Variants in MANBA observed in about 807,000 individuals in gnomAD.
MANBA encodes beta-mannosidase.
A neutral mutation model predicts 111.1 loss-of-function variants in MANBA; 83 were observed. The observed-to-expected ratio is 0.75, with a 90% confidence interval of 0.63 to 0.90. MANBA has a LOEUF of 0.90. Among genes scored for constraint, MANBA ranks in the 40% least tolerant of loss-of-function variants. The probability of loss-of-function intolerance (pLI) is 0.00; values close to 1 mark genes in which losing one functional copy is unlikely to be tolerated. For missense variants in MANBA, 1,036 were observed against 1,069.0 expected, an observed-to-expected ratio of 0.97 and a Z score of 0.43; for synonymous variants, 370 against 378.7, an observed-to-expected ratio of 0.98 and a Z score of 0.27.
chr4:102,696,060 T>A (rs771577623), intron 5 of MANBA, among the ~76,000 whole-genome samples: 2 of 152,074 alleles, frequency 1.3e-5, no homozygotes, highest in African/African-American at 2.4e-5. Flanking sequence ...AGACCCCATC[T>A]CTAAAAATAA....
chr4:102,726,799 C>T, intron 1 of MANBA, 116 bp from the exon 2 acceptor site: 4 of 676,334 alleles, frequency 5.9e-6, no homozygotes, highest in Non-Finnish European at 1.1e-5. Flanking sequence ...AATTAACGAA[C>T]TTTTAGCCTA....
intron 4 of MANBA, among the ~76,000 whole-genome samples, chr4:102,719,527 T>A (rs1197968005): frequency 6.6e-6 from 1 of 152,200 alleles, no homozygotes; most frequent in African/African-American, 2.4e-5. Context: ...TTTATGAAGA[T>A]AACAGGATTA....
At chr4:102,693,407 A>C (rs1732571093) in intron 5 of MANBA, among the ~76,000 whole-genome samples, 1 of 152,180 alleles carries the variant, frequency 6.6e-6, no homozygotes, top group South Asian at 2.1e-4. Context: ...TGGGGCAGTA[A>C]TCTGTTAGGA....
rs1724204254 is a variant in MANBA at position 102,760,621 on chromosome 4, T to C, written c.177+97A>G. 3 of 1,290,570 alleles carry C rather than the reference T, an allele frequency of 2.3e-6. No individual in the cohort carries two copies. In the African/African-American group the frequency reaches 4.5e-5, roughly 19 times the overall value. 79.9% of individuals were successfully genotyped at this position (1,290,570 alleles called of 1,614,324 possible). On this transcript the variant is annotated intron_variant, in intron 1 of 16. Transcript: ENST00000647097. ...GAAGTTACTACCAAACCGACGAGAA[T>C]GGCCCAGAGCTGGGGGCTGCCAGGC...
intron 11 of MANBA, among the ~76,000 whole-genome samples, chr4:102,658,451 A>G (rs116119834): frequency 1.4e-4 from 22 of 152,352 alleles, no homozygotes; most frequent in African/African-American, 4.8e-4. Context: ...ACTGAGTCAG[A>G]TGGACCCAAA....
intron 5 of MANBA, among the ~76,000 whole-genome samples, chr4:102,706,234 C>G (rs1293965766): frequency 6.6e-6 from 1 of 152,228 alleles, no homozygotes; most frequent in Non-Finnish European, 1.5e-5. Context: ...CTGCTGCCAC[C>G]AGTGAAGTCC....
chr4:102,700,667 T>C (rs1340709133), intron 5 of MANBA, among the ~76,000 whole-genome samples: 1 of 152,178 alleles, frequency 6.6e-6, no homozygotes, highest in Non-Finnish European at 1.5e-5. Flanking sequence ...AGTTGAGCGG[T>C]TTTGAGTGAG....
At chr4:102,650,881 T>G in intron 12 of MANBA, 180 bp from the exon 13 acceptor site, 1 of 592,876 alleles carries the variant, frequency 1.7e-6, no homozygotes, top group Admixed American at 2.9e-5. Flanking sequence ...GGACTAGCCT[T>G]GTGGAAACTG....
At chr4:102,675,971 G>GA (rs528591422) in intron 7 of MANBA, among the ~76,000 whole-genome samples, 17 of 145,192 alleles carry the variant, frequency 1.2e-4, no homozygotes, top group South Asian at 2.2e-4. Context: ...ACTCCGTCTT[G>GA]AAAAAAAAAA....
intron 1 of MANBA, among the ~76,000 whole-genome samples, chr4:102,753,406 CAT>C (rs1364988120): frequency 1.3e-5 from 2 of 151,996 alleles, no homozygotes; most frequent in Admixed American, 1.3e-4. Flanking sequence ...GAATTTTAAT[CAT>C]GTAACCTTTC....
intron 13 of MANBA, among the ~76,000 whole-genome samples, chr4:102,644,480 G>T (rs746742105): frequency 3.9e-5 from 6 of 152,282 alleles, no homozygotes; most frequent in East Asian, 1.9e-4. Context: ...CAACCTGGAA[G>T]AAACTGGAGG....
intron 13 of MANBA, among the ~76,000 whole-genome samples, chr4:102,645,242 G>A (rs1438978415): frequency 2.6e-5 from 4 of 151,974 alleles, no homozygotes; most frequent in Non-Finnish European, 5.9e-5. Flanking sequence ...CTTTGTATAT[G>A]CTGCTGGATT....
intron 1 of MANBA, among the ~76,000 whole-genome samples, chr4:102,756,129 T>C (rs77695137): frequency 0.048 from 7,312 of 152,280 alleles, 596 homozygotes; most frequent in African/African-American, 0.17. Flanking sequence ...ACTGGGTATA[T>C]ACCCAAAGTA....
At chr4:102,670,370 C>G (rs1216767672) in intron 9 of MANBA, among the ~76,000 whole-genome samples, 1 of 151,990 alleles carries the variant, frequency 6.6e-6, no homozygotes, top group Non-Finnish European at 1.5e-5. Context: ...CAATGCCTGG[C>G]ACTCAGAGAA....
At chr4:102,719,839 C>G (rs1722495377) in intron 4 of MANBA, among the ~76,000 whole-genome samples, 1 of 152,202 alleles carries the variant, frequency 6.6e-6, no homozygotes, top group African/African-American at 2.4e-5. Flanking sequence ...CCCACTGGAC[C>G]ATGTCAATCT....
In MANBA at chr4:102,729,446, A is replaced by G; in HGVS notation, c.178-2763T>C. The G allele has an allele frequency of 3.1e-6, 4 of 1,275,638 alleles. No individual in the cohort carries two copies. The South Asian group carries it at 5.1e-5, about 16-fold the overall frequency. The allele number at this position is 1,275,638 out of a possible 1,614,324, so 79.0% of individuals were successfully genotyped here. On this transcript the variant is annotated intron_variant, in intron 1 of 16. Coordinates refer to ENST00000647097, the MANE Select transcript of MANBA (RefSeq NM_005908.4). ...CTGTTGTCCATGGGCAGCACCACAG[A>G]TGTGTCCGAGATCTGGGACTGCAGC...
intron 5 of MANBA, among the ~76,000 whole-genome samples, chr4:102,695,976 C>T (rs1732689836): frequency 6.6e-6 from 1 of 151,936 alleles, no homozygotes; most frequent in African/African-American, 2.4e-5. Context: ...GCCTATAGTC[C>T]CAGCACTTTG....
In MANBA at chr4:102,664,764, A is replaced by G; in HGVS notation, c.1406T>C (p.Ile469Thr). The change falls in exon 11 of 17, where the codon ATC (isoleucine) becomes ACC (threonine). Residue 469 changes from isoleucine to threonine, a missense_variant. Coordinates refer to ENST00000647097, the MANE Select transcript of MANBA (RefSeq NM_005908.4). ...EEALMMNWYHISFTDRPIYIK... is the reference protein window; with the variant it reads ...EEALMMNWYHTSFTDRPIYIK... ...GTAGATTGGCCGGTCAGTGAAACTG[A>G]TATGATACCAATTCATCATCAGCGC... 6.2e-7 allele frequency: 1 copy of G among 1,610,674 alleles called. No individual in the cohort carries two copies. The highest frequency in any genetic ancestry group is 8.5e-7 in the Non-Finnish European group (1 of 1,176,772).
At chr4:102,734,425 G>A (rs111395885) in intron 1 of MANBA, 10 of 1,608,554 alleles carry the variant, frequency 6.2e-6, no homozygotes, top group Middle Eastern at 1.7e-4. Context: ...AACCTGCTAT[G>A]GTACGGACTC....
Sources: gnomAD v4.1 joint callset for allele counts (sites outside exome capture counted in the v4.1 genomes callset) on GRCh38, gnomAD v4.1.1 for gene constraint, MANE v1.5 for transcripts, NCBI Gene and HGNC (gene_info 2026-07-23, HGNC 2026-07-21) for gene names.